Variants in DST observed in about 807,000 individuals in gnomAD.
DST encodes the protein bullous pemphigoid antigen.
DST carries 253 observed loss-of-function variants against 875.2 expected under a neutral mutation model. That is an observed-to-expected ratio of 0.29 (90% CI 0.26 to 0.32). The LOEUF (loss-of-function observed/expected upper bound fraction) is 0.32, where lower values mean the gene tolerates loss of function less well. Ranked by LOEUF, DST falls within the 10% of genes least tolerant of loss-of-function variation. The pLI is 1.00. For synonymous variants in DST, 3,124 were observed against 3,197.1 expected (o/e 0.98, Z 0.77); for missense variants, 8,287 against 9,111.6 (o/e 0.91, Z 3.68).
At chr6:56,672,356 A>G (rs1361320269) in intron 9 of DST, among the ~76,000 whole-genome samples, 1 of 152,228 alleles carries the variant, frequency 6.6e-6, no homozygotes, top group Non-Finnish European at 1.5e-5. Context: ...TGCTTGACAA[A>G]TGGTCAGGAT....
Position 56,821,004 on chromosome 6 carries a change from T to G in DST, c.625+30393A>C, listed in dbSNP as rs117588232. ...TGCCAAGGCCCAACAGATTCAGTATTCTTTTAAAATAACACGGCTAATCTG... is the reference window on the plus strand; with the variant it reads ...TGCCAAGGCCCAACAGATTCAGTATGCTTTTAAAATAACACGGCTAATCTG... On this transcript the variant is annotated intron_variant, in intron 4 of 103. Coordinates refer to ENST00000680361, the MANE Select transcript of DST (RefSeq NM_001374736.1). Among the ~76,000 whole-genome samples the G allele has an allele frequency of 2.0e-5, 3 of 152,300 alleles. No individual in the cohort carries two copies. The East Asian group carries it at 5.8e-4, about 29-fold the overall frequency.
chr6:56,757,073 C>A (rs2099605927), intron 4 of DST, among the ~76,000 whole-genome samples: 1 of 151,920 alleles, frequency 6.6e-6, no homozygotes, highest in African/African-American at 2.4e-5. Context: ...AGCAAAGGAA[C>A]AGAGATGGTT....
At chr6:56,493,840 A>G (rs1200483340) in intron 83 of DST, among the ~76,000 whole-genome samples, 170 bp downstream of exon 83, 1 of 152,156 alleles carries the variant, frequency 6.6e-6, no homozygotes, top group Non-Finnish European at 1.5e-5. Flanking sequence ...TCATGTTAAA[A>G]CAGAATATTA....
At chr6:56,542,111 A>C (rs1369208870) in intron 61 of DST, among the ~76,000 whole-genome samples, 1 of 152,246 alleles carries the variant, frequency 6.6e-6, no homozygotes, top group Admixed American at 6.5e-5. Context: ...CATGCTCCAG[A>C]AATTTAAAAG....
chr6:56,900,342 AATGT>A, intron 3 of DST, 75 bp downstream of exon 3: 1 of 1,159,920 alleles, frequency 8.6e-7, no homozygotes, highest in African/African-American at 1.6e-5. Flanking sequence ...TTAATCTGAT[AATGT>A]TTTTAAACTA....
At chr6:56,526,109 G>C (rs561618163) in intron 69 of DST, among the ~76,000 whole-genome samples, 13 of 152,140 alleles carry the variant, frequency 8.5e-5, no homozygotes, top group Non-Finnish European at 1.5e-5. Context: ...GCTGATCTTC[G>C]CAGTGTCTGA....
At chr6:56,767,298 A>G (rs1589894270) in intron 4 of DST, among the ~76,000 whole-genome samples, 1 of 152,272 alleles carries the variant, frequency 6.6e-6, no homozygotes, top group East Asian at 1.9e-4. Context: ...TCTAACAAAA[A>G]GAGAAACAGC....
At chr6:56,569,729 C>G in intron 54 of DST, 127 bp downstream of exon 54, 1 of 694,914 alleles carries the variant, frequency 1.4e-6, no homozygotes, top group Non-Finnish European at 2.2e-6. Flanking sequence ...CAAAGGTCAA[C>G]AAAATATACA....
chr6:56,518,738 T>C (rs946563033), intron 69 of DST, among the ~76,000 whole-genome samples: 5 of 152,108 alleles, frequency 3.3e-5, no homozygotes, highest in Non-Finnish European at 7.3e-5. Flanking sequence ...GTACCAACCA[T>C]AAATGATCAC....
intron 55 of DST, among the ~76,000 whole-genome samples, chr6:56,567,599 A>G (rs2097702354): frequency 1.3e-5 from 2 of 152,140 alleles, no homozygotes; most frequent in Admixed American, 1.3e-4. Context: ...AAATCTGATT[A>G]GAAGAAAAAG....
At chr6:56,851,262 G>T in intron 4 of DST, 135 bp downstream of exon 4, 2 of 800,414 alleles carry the variant, frequency 2.5e-6, no homozygotes, top group Non-Finnish European at 3.9e-6. Flanking sequence ...AGTAAACATG[G>T]TCATCATCCT....
In DST at chr6:56,594,090, T is replaced by C. The variant is rs960139249; in HGVS notation, c.12299A>G (p.Glu4100Gly). Residue 4100 changes from glutamate to glycine, a missense_variant, in exon 48 of 104, where the codon GAA (glutamate) becomes GGA (glycine). By Grantham distance (98) the Glu-to-Gly change is moderately conservative (BLOSUM62 -2). Around this residue, in one of 10 missense-constraint regions of DST, gnomAD observed 1,513 missense variants for 1,677.8 expected, o/e 0.90. Coordinates refer to ENST00000680361, the MANE Select transcript of DST (RefSeq NM_001374736.1). ...CATGTTCTTTTGCAGTTTCTCTTTT[T>C]CTTCAGGAGAGAGATACTGACCCTG... ...EKQGQYLSPE[E>G]KEKLQKNMKE... The C allele has an allele frequency of 6.2e-7, 1 of 1,611,208 alleles. No individual in the cohort carries two copies. Among genetic ancestry groups the C allele is most frequent in the Non-Finnish European group, 8.5e-7 (1 of 1,179,342 alleles).
intron 58 of DST, among the ~76,000 whole-genome samples, chr6:56,559,605 T>C (rs1050914588): frequency 6.6e-6 from 1 of 152,140 alleles, no homozygotes; most frequent in Admixed American, 6.6e-5. Context: ...CATTAACTTA[T>C]TGGGTTCTCC....
At chr6:56,680,570 T>C (rs1182589769) in intron 9 of DST, among the ~76,000 whole-genome samples, 1 of 152,244 alleles carries the variant, frequency 6.6e-6, no homozygotes, top group African/African-American at 2.4e-5. Flanking sequence ...GAGGCATCTG[T>C]CACTGGCAAT....
intron 15 of DST, among the ~76,000 whole-genome samples, chr6:56,643,828 T>C (rs2098926929): frequency 6.6e-6 from 1 of 152,216 alleles, no homozygotes; most frequent in Non-Finnish European, 1.5e-5. Context: ...ACATCAAATA[T>C]AGTGAGTGAA....
intron 7 of DST, 42 bp from the exon 8 acceptor site, chr6:56,702,007 A>G: frequency 9.0e-7 from 1 of 1,117,288 alleles, no homozygotes; most frequent in South Asian, 1.3e-5. Flanking sequence ...AGTTTCTGTT[A>G]TCACAGACCA....
intron 2 of DST, among the ~76,000 whole-genome samples, chr6:56,917,984 CTAGAG>C (rs1367188489): frequency 1.3e-5 from 2 of 152,312 alleles, no homozygotes; most frequent in East Asian, 1.9e-4. Flanking sequence ...ATACATCCCT[CTAGAG>C]TAATCACTGT....
intron 37 of DST, 83 bp from the exon 38 acceptor site, chr6:56,611,679 G>T: frequency 9.9e-7 from 1 of 1,009,650 alleles, no homozygotes; most frequent in Non-Finnish European, 1.5e-6. Context: ...AATTAATCAA[G>T]CTTTAGTCAA....
chr6:56,779,397 C>G (rs902880367), intron 4 of DST, among the ~76,000 whole-genome samples: 6 of 152,144 alleles, frequency 3.9e-5, no homozygotes, highest in African/African-American at 1.4e-4. Flanking sequence ...AAATAGATCC[C>G]ATTTGTCAAT....
Sources: allele counts gnomAD v4.1 joint callset (sites outside exome capture counted in the v4.1 genomes callset), GRCh38; gene constraint gnomAD v4.1.1; regional missense constraint gnomAD v4.1.1; transcripts MANE v1.5; gene names NCBI Gene and HGNC (gene_info 2026-07-23, HGNC 2026-07-21).